The following ABCA1 variants were observed in gnomAD, a reference collection of about 807,000 sequenced individuals.
The protein encoded by ABCA1 is ATP binding cassette subfamily A member 1.
ABCA1 carries 133 observed loss-of-function variants against 262.5 expected under a neutral mutation model. The observed-to-expected ratio is 0.51, with a 90% CI of 0.44 to 0.59. The LOEUF (loss-of-function observed/expected upper bound fraction) is 0.59. Ranked by LOEUF, ABCA1 falls within the 20% of genes least tolerant of loss-of-function variation. ABCA1 has a pLI of 0.00. For missense variants in ABCA1, 2,452 were observed against 2,777.5 expected, an observed-to-expected ratio of 0.88 and a Z score of 2.63; for synonymous variants, 1,022 against 1,043.5, an observed-to-expected ratio of 0.98 and a Z score of 0.40.
At chr9:104,903,592 C>T in intron 2 of ABCA1, 22 bp downstream of exon 2, 1 of 1,572,672 alleles carries the variant, frequency 6.4e-7, no homozygotes, top group Non-Finnish European at 8.6e-7. Context: ...GAACCCCCCG[C>T]TGCTGAAAAA....
intron 30 of ABCA1, among the ~76,000 whole-genome samples, chr9:104,808,062 G>T (rs1830948817): frequency 6.6e-6 from 1 of 152,046 alleles, no homozygotes; most frequent in Admixed American, 6.6e-5. Context: ...AAGGGGATTG[G>T]CTGAGACAAA....
intron 2 of ABCA1, among the ~76,000 whole-genome samples, chr9:104,897,638 T>C (rs2118393412): frequency 1.3e-5 from 2 of 152,358 alleles, no homozygotes; most frequent in South Asian, 4.1e-4. Flanking sequence ...AGTCTCGCTC[T>C]GTCACCCAGG....
chr9:104,814,568 A>G (rs889588373), intron 25 of ABCA1, 93 bp from the exon 26 acceptor site: 46 of 1,243,428 alleles, frequency 3.7e-5, no homozygotes, highest in Non-Finnish European at 5.2e-5. Context: ...GTGGCATGTT[A>G]GCCCCGTAAG....
At position 104,790,085 on chromosome 9, in the gene ABCA1, A is replaced by C. The variant is rs558911213; in HGVS notation, c.5927+837T>G. Among the ~76,000 whole-genome samples the C allele has an allele frequency of 2.7e-5, 4 of 145,794 alleles. No homozygotes were observed. The East Asian group carries it at 8.4e-4, about 31-fold the overall frequency. The stretch of plus-strand genomic sequence containing the variant: ...CTCTCCAGCCTGGGCAGTAAGAGTG[A>C]AACTCCGTCTCAAAAAAAAAAAAGC... On this transcript the variant is annotated intron_variant, in intron 44 of 49. Coordinates refer to ENST00000374736, the MANE Select transcript of ABCA1 (RefSeq NM_005502.4).
At chr9:104,889,559 A>T (rs1206684794) in intron 2 of ABCA1, 2 of 164,728 alleles carry the variant, frequency 1.2e-5, no homozygotes, top group Admixed American at 1.3e-4. Context: ...CTCCTGTAGC[A>T]TTTTCCTGGA....
intron 5 of ABCA1, among the ~76,000 whole-genome samples, chr9:104,866,648 T>G (rs1837120928): frequency 6.6e-6 from 1 of 152,054 alleles, no homozygotes; most frequent in Non-Finnish European, 1.5e-5. Context: ...CGCCCAGCTA[T>G]TATTCCTTTT....
At chr9:104,793,138 C>T in intron 41 of ABCA1, 33 bp downstream of exon 41, 1 of 1,613,606 alleles carries the variant, frequency 6.2e-7, no homozygotes, top group Non-Finnish European at 8.5e-7. Flanking sequence ...GACCCTCAAC[C>T]AGGTGCTCCA....
In ABCA1 at chr9:104,842,423, A is replaced by ACTCGG. The variant is rs548725202; in HGVS notation, c.814-1905_814-1904insCCGAG. Among the ~76,000 whole-genome samples the ACTCGG allele has an allele frequency of 1.9e-3, 291 of 151,328 alleles. 4 individuals carry two copies. The highest frequency in any genetic ancestry group is 5.9e-3 in the South Asian group (28 of 4,766). On this transcript the variant is annotated intron_variant, in intron 8 of 49. Coordinates refer to ENST00000374736, the MANE Select transcript of ABCA1 (RefSeq NM_005502.4). Reference sequence around the variant, plus strand: ...CAGGCAGCCTCACCACCAACCCACCACTCCCCAATCAAAAAAAAAAATTTC... The same window carrying ACTCGG: ...CAGGCAGCCTCACCACCAACCCACCACTCGGCTCCCCAATCAAAAAAAAAAATTTC...
Position 104,785,775 on chromosome 9 carries a change from G to A in ABCA1, c.6402-136C>T. 3 of 983,136 alleles carry A rather than the reference G, an allele frequency of 3.1e-6. No homozygotes were observed. The South Asian group carries it at 4.3e-5, about 14-fold the overall frequency. The allele number at this position is 983,136 out of a possible 1,614,324, so 60.9% of individuals were successfully genotyped here. A position where few individuals can be genotyped will look rare whatever the true frequency, so the allele number is the denominator to read the frequency against. On this transcript the variant is annotated intron_variant, in intron 48 of 49. Coordinates refer to ENST00000374736, the MANE Select transcript of ABCA1 (RefSeq NM_005502.4). The stretch of plus-strand genomic sequence containing the variant: ...CCCAGAAATAAGTTTCTGAGAGAAG[G>A]AACCAGTTATCATTTACTAAATACT...
chr9:104,835,166 T>C (rs769870968), intron 11 of ABCA1, among the ~76,000 whole-genome samples: 2 of 150,848 alleles, frequency 1.3e-5, no homozygotes, highest in Non-Finnish European at 2.9e-5. Flanking sequence ...GAGAATTGCT[T>C]GAACCCAGGA....
intron 1 of ABCA1, among the ~76,000 whole-genome samples, chr9:104,906,118 A>T (rs1841116426): frequency 6.6e-6 from 1 of 152,216 alleles, no homozygotes; most frequent in Non-Finnish European, 1.5e-5. Flanking sequence ...CTTCATTCCA[A>T]CAATATCCTC....
chr9:104,866,104 C>A (rs1837066420), intron 5 of ABCA1, among the ~76,000 whole-genome samples: 3 of 152,138 alleles, frequency 2.0e-5, no homozygotes, highest in Non-Finnish European at 4.4e-5. Context: ...GGGGTAAGAC[C>A]TCTCATGATG....
intron 2 of ABCA1, among the ~76,000 whole-genome samples, chr9:104,891,585 T>C (rs1439252198): frequency 6.6e-6 from 1 of 151,798 alleles, no homozygotes; most frequent in African/African-American, 2.4e-5. Flanking sequence ...CCGAGATCAC[T>C]GCATGATCAC....
chr9:104,811,232 G>T (rs774384775), intron 28 of ABCA1, among the ~76,000 whole-genome samples: 36 of 152,224 alleles, frequency 2.4e-4, no homozygotes, highest in Non-Finnish European at 4.3e-4. Flanking sequence ...AGAACACTGG[G>T]TCCTGCCCTT....
At chr9:104,916,221 C>G (rs935129094) in intron 1 of ABCA1, among the ~76,000 whole-genome samples, 3 of 152,022 alleles carry the variant, frequency 2.0e-5, no homozygotes, top group African/African-American at 7.2e-5. Context: ...AAATAAAAAC[C>G]CTGCCTTGAT....
intron 7 of ABCA1, among the ~76,000 whole-genome samples, chr9:104,848,360 A>G (rs991776541): frequency 2.0e-5 from 3 of 152,134 alleles, no homozygotes; most frequent in Admixed American, 2.0e-4. Context: ...CACACCTGTA[A>G]TCTCAACACT....
chr9:104,809,307 C>T (rs980647211), intron 30 of ABCA1, among the ~76,000 whole-genome samples, 159 bp downstream of exon 30: 6 of 152,234 alleles, frequency 3.9e-5, no homozygotes, highest in South Asian at 2.1e-4. Context: ...TAATTTAGTT[C>T]GGTTACTACC....
At chr9:104,876,914 C>T (rs1417766868) in intron 5 of ABCA1, among the ~76,000 whole-genome samples, 1 of 152,202 alleles carries the variant, frequency 6.6e-6, no homozygotes, top group Non-Finnish European at 1.5e-5. Flanking sequence ...GAGGCTGACA[C>T]AAGTTGGTAG....
At chr9:104,790,704 G>A (rs896828603) in intron 44 of ABCA1, among the ~76,000 whole-genome samples, 18 of 152,108 alleles carry the variant, frequency 1.2e-4, no homozygotes, top group Non-Finnish European at 2.1e-4. Context: ...GAATAAAGCT[G>A]TTAAAAGAAG....
Sources: allele counts gnomAD v4.1 joint callset (sites outside exome capture counted in the v4.1 genomes callset), GRCh38; gene constraint gnomAD v4.1.1; transcripts MANE v1.5; gene names NCBI Gene and HGNC (gene_info 2026-07-23, HGNC 2026-07-21).